HDAC9: variants seen among roughly 807,000 people sequenced by gnomAD.
HDAC9 encodes the protein MEF-2 interacting transcription repressor (MITR) protein.
HDAC9 carries 41 observed loss-of-function variants against 139.4 expected under a neutral mutation model. That is an observed-to-expected ratio of 0.29 (90% CI 0.23 to 0.38). HDAC9 has a LOEUF of 0.38. Ranked by LOEUF, HDAC9 falls within the 10% of genes least tolerant of loss-of-function variation. The probability of loss-of-function intolerance (pLI) is 1.00; values close to 1 mark genes in which losing one functional copy is unlikely to be tolerated. For synonymous variants in HDAC9, 517 were observed against 476.2 expected (o/e 1.09, Z -1.12); for missense variants, 1,147 against 1,297.0 (o/e 0.88, Z 1.78).
At chr7:18,504,847 G>T (rs1275805787) in intron 2 of HDAC9, among the ~76,000 whole-genome samples, 1 of 152,182 alleles carries the variant, frequency 6.6e-6, no homozygotes, top group Non-Finnish European at 1.5e-5. Flanking sequence ...GTAGGAAATG[G>T]CAGGGTCGTG....
chr7:18,132,960 A>G lies in HDAC9; in HGVS notation c.-96-29269A>G, dbSNP rs537820138. On this transcript the variant is annotated intron_variant, in intron 1 of 12. Coordinates refer to the HDAC9 transcript ENST00000417496. ...AACAGTCTTTCAAAATAACTCTCAG[A>G]ATTAAATCAACTGGCTGTGAACTTT... Among the ~76,000 whole-genome samples, 4 of 152,280 alleles carry G rather than the reference A, an allele frequency of 2.6e-5. No individual in the cohort carries two copies. In the East Asian group the frequency reaches 7.7e-4, roughly 29 times the overall value.
chr7:18,993,612 G>A (rs1786187717), intron 25 of HDAC9, among the ~76,000 whole-genome samples: 1 of 150,640 alleles, frequency 6.6e-6, no homozygotes, highest in South Asian at 2.1e-4. Context: ...AACCAGCCTG[G>A]GCAACATAGC....
At chr7:18,826,108 AC>A (rs1338102656) in intron 17 of HDAC9, among the ~76,000 whole-genome samples, 9 of 152,274 alleles carry the variant, frequency 5.9e-5, no homozygotes, top group Middle Eastern at 3.4e-3. Context: ...CTCTAGTGTG[AC>A]AGAGAATAAA....
chr7:18,511,647 GGACACAGGA>G (rs2128188259), intron 2 of HDAC9, among the ~76,000 whole-genome samples: 1 of 152,164 alleles, frequency 6.6e-6, no homozygotes, highest in African/African-American at 2.4e-5. Flanking sequence ...ATTGTTTAGT[GGACACAGGA>G]GACAACATTG....
chr7:18,940,206 TA>T (rs1781929856), intron 23 of HDAC9, among the ~76,000 whole-genome samples: 1 of 152,188 alleles, frequency 6.6e-6, no homozygotes, highest in African/African-American at 2.4e-5. Context: ...ACTTGATTTT[TA>T]AAAATTTTAG....
rs1279234677 is a variant in HDAC9 at position 18,999,541 on chromosome 7, C to T, written c.*3479C>T. 6.6e-6 allele frequency: 1 copy of T among 152,258 alleles called. No individual in the cohort carries two copies. Among genetic ancestry groups the T allele is most frequent in the Non-Finnish European group, 1.5e-5 (1 of 68,096 alleles). 9.4% of individuals were successfully genotyped at this position (152,258 alleles called of 1,614,324 possible). On this transcript the variant is annotated 3_prime_UTR_variant, in exon 26 of 26. Transcript: ENST00000686413. The stretch of plus-strand genomic sequence containing the variant: ...GCGCAATCTCGACTCACTGCAACCT[C>T]CGCCTCCCGGGTTCAAGCAATTCTC...
intron 2 of HDAC9, among the ~76,000 whole-genome samples, chr7:18,186,960 C>T (rs547586922): frequency 6.6e-6 from 1 of 152,186 alleles, no homozygotes; most frequent in East Asian, 1.9e-4. Flanking sequence ...TATACTTGGA[C>T]TGACTTTTAC....
At chr7:18,460,480 G>T (rs1586066093) in intron 1 of HDAC9, among the ~76,000 whole-genome samples, 1 of 151,872 alleles carries the variant, frequency 6.6e-6, no homozygotes, top group Non-Finnish European at 1.5e-5. Flanking sequence ...TCATTCTATT[G>T]TATTAAGAGT....
At chr7:18,761,653 G>A (rs1413617905) in intron 14 of HDAC9, among the ~76,000 whole-genome samples, 1 of 152,058 alleles carries the variant, frequency 6.6e-6, no homozygotes, top group Non-Finnish European at 1.5e-5. Flanking sequence ...GAGGAACATT[G>A]GTTTTAACTA....
intron 2 of HDAC9, among the ~76,000 whole-genome samples, chr7:18,169,422 A>C (rs755543639): frequency 6.6e-6 from 1 of 151,076 alleles, no homozygotes; most frequent in Non-Finnish European, 1.5e-5. Flanking sequence ...TAATTTTGCC[A>C]TACTTTTCCT....
At chr7:18,732,959 G>GTATATACACGTGTGTA (rs1562893888) in intron 13 of HDAC9, among the ~76,000 whole-genome samples, 1 of 112,056 alleles carries the variant, frequency 8.9e-6, no homozygotes, top group African/African-American at 4.2e-5. Flanking sequence ...GTGTATGTGT[G>GTATATACACGTGTGTA]TGTATGTGTA....
At chr7:18,993,651 T>A (rs75002369) in intron 25 of HDAC9, among the ~76,000 whole-genome samples, 2 of 143,756 alleles carry the variant, frequency 1.4e-5, no homozygotes, top group Non-Finnish European at 3.0e-5. Flanking sequence ...ATTTTTTTTT[T>A]AATTAGCCCA....
intron 1 of HDAC9, among the ~76,000 whole-genome samples, chr7:18,453,331 G>C (rs1586019151): frequency 1.3e-5 from 2 of 152,116 alleles, no homozygotes; most frequent in South Asian, 4.2e-4. Context: ...AAAAGTGGGG[G>C]GAAGGAATTT....
chr7:18,982,467 G>C (rs1785018536), intron 25 of HDAC9, among the ~76,000 whole-genome samples: 2 of 151,874 alleles, frequency 1.3e-5, no homozygotes, highest in Non-Finnish European at 2.9e-5. Flanking sequence ...TTCTGATGTG[G>C]TTTCCAACAA....
chr7:18,110,706 T>TTTGG (rs1783556507), intron 1 of HDAC9, among the ~76,000 whole-genome samples: 1 of 152,046 alleles, frequency 6.6e-6, no homozygotes, highest in Non-Finnish European at 1.5e-5. Flanking sequence ...TTTTAAGCAA[T>TTTGG]TTGGTAAGTG....
At chr7:18,664,586 G>T (rs1794243066) in intron 11 of HDAC9, among the ~76,000 whole-genome samples, 1 of 152,036 alleles carries the variant, frequency 6.6e-6, no homozygotes, top group African/African-American at 2.4e-5. Context: ...AGTCCCCACA[G>T]ACTCTGCCTT....
chr7:18,717,129 G>A (rs1409693009), intron 12 of HDAC9, among the ~76,000 whole-genome samples: 2 of 151,882 alleles, frequency 1.3e-5, no homozygotes, highest in Non-Finnish European at 1.5e-5. Flanking sequence ...TGAGTACCTG[G>A]GGGCAATACT....
intron 2 of HDAC9, among the ~76,000 whole-genome samples, chr7:18,266,980 A>G (rs140425494): frequency 1.3e-5 from 2 of 152,074 alleles, no homozygotes; most frequent in African/African-American, 4.8e-5. Context: ...AAATTACAAA[A>G]ATCACATATT....
intron 1 of HDAC9, among the ~76,000 whole-genome samples, chr7:18,443,792 C>CTG (rs200897001): frequency 2.5e-4 from 38 of 151,084 alleles, no homozygotes; most frequent in Non-Finnish European, 4.3e-4. Context: ...CTCTCCCTCT[C>CTG]TGTGTGTGTG....
Sources: gnomAD v4.1 joint callset for allele counts (sites outside exome capture counted in the v4.1 genomes callset) on GRCh38, gnomAD v4.1.1 for gene constraint, MANE v1.5 for transcripts, NCBI Gene and HGNC (gene_info 2026-07-23, HGNC 2026-07-21) for gene names.